The following LRMDA variants were observed in gnomAD, a reference collection of about 807,000 sequenced individuals.
LRMDA encodes the protein leucine-rich melanocyte differentiation-associated protein.
A neutral mutation model predicts 29.8 loss-of-function variants in LRMDA; 18 were observed. That is an observed-to-expected ratio of 0.60 (90% CI 0.42 to 0.90). The LOEUF (loss-of-function observed/expected upper bound fraction) is 0.90, where lower values mean the gene tolerates loss of function less well. Ranked by LOEUF, LRMDA falls within the 40% of genes least tolerant of loss-of-function variation. The pLI, the probability that LRMDA is intolerant of heterozygous loss-of-function variation, is 0.00. For synonymous variants in LRMDA, 125 were observed against 109.4 expected, an observed-to-expected ratio of 1.14 and a Z score of -0.89; for missense variants, 273 against 273.9, an observed-to-expected ratio of 1.00 and a Z score of 0.02.
intron 6 of LRMDA, among the ~76,000 whole-genome samples, chr10:76,362,879 A>G (rs1007288993): frequency 3.3e-5 from 5 of 151,644 alleles, no homozygotes; most frequent in African/African-American, 4.9e-5. Context: ...CTTTTATTGA[A>G]TGACCTGTCC....
At chr10:75,934,786 T>A (rs541789854) in intron 2 of LRMDA, among the ~76,000 whole-genome samples, 1 of 152,330 alleles carries the variant, frequency 6.6e-6, no homozygotes, top group South Asian at 2.1e-4. Context: ...AGCCACTACC[T>A]GGAGGCAGTG....
At chr10:75,946,885 G>C (rs930715868) in intron 2 of LRMDA, among the ~76,000 whole-genome samples, 4 of 152,128 alleles carry the variant, frequency 2.6e-5, no homozygotes, top group Non-Finnish European at 5.9e-5. Context: ...CAACACTGCA[G>C]AACTCTAAGA....
rs934717385 is a variant in LRMDA, at chr10:76,201,118, C to T, written c.517-123283C>T. Among the ~76,000 whole-genome samples, 9 of 149,366 alleles carry T rather than the reference C, an allele frequency of 6.0e-5. No homozygotes were observed. In the South Asian group the frequency reaches 6.3e-4, roughly 10 times the overall value. The stretch of plus-strand genomic sequence containing the variant: ...ATTTATTTATTTATTTATATTTAGA[C>T]GGAGTTTCGCTCTTGCTGCCCAGGC... On this transcript the variant is annotated intron_variant, in intron 5 of 6. Coordinates refer to ENST00000611255, the MANE Select transcript of LRMDA (RefSeq NM_001305581.2).
intron 6 of LRMDA, among the ~76,000 whole-genome samples, chr10:76,415,474 G>A (rs1354509440): frequency 1.3e-5 from 2 of 152,082 alleles, no homozygotes; most frequent in Non-Finnish European, 2.9e-5. Context: ...TTGTTTGTGT[G>A]ACCTGGAATA....
intron 5 of LRMDA, among the ~76,000 whole-genome samples, chr10:76,299,732 G>A (rs1398791238): frequency 6.6e-6 from 1 of 151,650 alleles, no homozygotes; most frequent in Non-Finnish European, 1.5e-5. Flanking sequence ...AGGAATCTTC[G>A]CAATCTGCTG....
At chr10:75,741,764 A>C (rs1589181750) in intron 2 of LRMDA, among the ~76,000 whole-genome samples, 1 of 152,130 alleles carries the variant, frequency 6.6e-6, no homozygotes, top group African/African-American at 2.4e-5. Flanking sequence ...CATGTAGAGC[A>C]CCTGCCGCAC....
At chr10:75,901,677 G>A (rs1171754535) in intron 2 of LRMDA, among the ~76,000 whole-genome samples, 2 of 152,130 alleles carry the variant, frequency 1.3e-5, no homozygotes, top group African/African-American at 4.8e-5. Context: ...AATACCATCA[G>A]TTATCAAATT....
intron 2 of LRMDA, among the ~76,000 whole-genome samples, chr10:75,710,872 C>T (rs997617496): frequency 4.6e-5 from 7 of 152,208 alleles, no homozygotes; most frequent in Admixed American, 2.0e-4. Context: ...GGCAATGGGA[C>T]GCTGTGATTG....
intron 2 of LRMDA, among the ~76,000 whole-genome samples, chr10:75,807,611 T>C (rs1266885809): frequency 6.6e-6 from 1 of 152,218 alleles, no homozygotes; most frequent in East Asian, 1.9e-4. Context: ...ATGCTGGCTA[T>C]TGTGCTTTTC....
chr10:76,356,330 G>A (rs936808753), intron 6 of LRMDA, among the ~76,000 whole-genome samples: 1 of 152,138 alleles, frequency 6.6e-6, no homozygotes, highest in Non-Finnish European at 1.5e-5. Context: ...AGGTGTCAAA[G>A]TTTATTTAGC....
At chr10:75,780,962 G>A (rs1397631463) in intron 2 of LRMDA, among the ~76,000 whole-genome samples, 1 of 152,200 alleles carries the variant, frequency 6.6e-6, no homozygotes, top group Non-Finnish European at 1.5e-5. Context: ...TCTTTAGTAT[G>A]ATTGGAACTT....
At position 75,945,404 on chromosome 10, in the gene LRMDA, T is replaced by C. The variant is rs139010532; in HGVS notation, c.132-90604T>C. On this transcript the variant is annotated intron_variant, in intron 2 of 6. Transcript: ENST00000611255. ...TTCTCTTCTTTCTGGGATCACTCCCTTCACTTTCCAACTGTTCTGCCAGTG... is the reference window on the plus strand; with the variant it reads ...TTCTCTTCTTTCTGGGATCACTCCCCTCACTTTCCAACTGTTCTGCCAGTG... 7.1e-3 allele frequency among the ~76,000 whole-genome samples: 1,079 copies of C among 152,328 alleles called. 12 individuals carry two copies. Among genetic ancestry groups the C allele is most frequent in the African/African-American group, 0.024 (1,003 of 41,554 alleles).
intron 2 of LRMDA, among the ~76,000 whole-genome samples, chr10:75,862,201 C>T (rs1844942641): frequency 1.3e-5 from 2 of 151,902 alleles, no homozygotes; most frequent in Admixed American, 6.6e-5. Flanking sequence ...CACACACACA[C>T]ACACACACAC....
At chr10:76,136,824 C>A (rs1057263450) in intron 5 of LRMDA, among the ~76,000 whole-genome samples, 2 of 151,914 alleles carry the variant, frequency 1.3e-5, no homozygotes, top group Admixed American at 6.6e-5. Context: ...TATAATATAC[C>A]AGGCTGAGGA....
At chr10:75,517,538 G>A (rs1388710099) in intron 2 of LRMDA, among the ~76,000 whole-genome samples, 4 of 152,088 alleles carry the variant, frequency 2.6e-5, no homozygotes, top group South Asian at 4.1e-4. Context: ...TGTGATTTTT[G>A]CACATTGATT....
At chr10:76,039,052 C>A (rs1471886360) in intron 3 of LRMDA, among the ~76,000 whole-genome samples, 1 of 152,168 alleles carries the variant, frequency 6.6e-6, no homozygotes, top group East Asian at 1.9e-4. Flanking sequence ...TAAGACACTT[C>A]ACATGGGAGG....
Position 75,690,241 on chromosome 10 carries a change from G to A in LRMDA, c.131+251747G>A, listed in dbSNP as rs529531148. ...ATCCTCCTTATATGGATGAGAGAGAGATGTTATCTCAGTGTGACACAACTA... is the reference window on the plus strand; with the variant it reads ...ATCCTCCTTATATGGATGAGAGAGAAATGTTATCTCAGTGTGACACAACTA... On this transcript the variant is annotated intron_variant, in intron 2 of 6. Coordinates refer to ENST00000611255, the MANE Select transcript of LRMDA (RefSeq NM_001305581.2). Among the ~76,000 whole-genome samples the A allele has an allele frequency of 1.6e-4, 24 of 152,290 alleles. No individual in the cohort carries two copies. In the South Asian group the frequency reaches 4.6e-3, roughly 29 times the overall value.
intron 2 of LRMDA, among the ~76,000 whole-genome samples, chr10:75,850,163 A>G (rs1269172678): frequency 6.6e-6 from 1 of 152,124 alleles, no homozygotes; most frequent in Non-Finnish European, 1.5e-5. Flanking sequence ...ATGGTCTGGC[A>G]TCAGGCCAGA....
intron 2 of LRMDA, among the ~76,000 whole-genome samples, chr10:75,457,795 T>G (rs1844537931): frequency 6.6e-6 from 1 of 152,220 alleles, no homozygotes; most frequent in African/African-American, 2.4e-5. Flanking sequence ...CTCCTCAGAG[T>G]GTTTCTGGGT....
Sources: allele counts gnomAD v4.1 joint callset (sites outside exome capture counted in the v4.1 genomes callset), GRCh38; gene constraint gnomAD v4.1.1; transcripts MANE v1.5; gene names NCBI Gene and HGNC (gene_info 2026-07-23, HGNC 2026-07-21).